GLI3: variants seen among roughly 807,000 people sequenced by gnomAD.
The protein encoded by GLI3 is GLI family zinc finger 3.
A neutral mutation model predicts 100.8 loss-of-function variants in GLI3; 20 were observed. The ratio of observed to expected loss-of-function variants is 0.20; its 90% confidence interval spans 0.14 to 0.29. GLI3 has a LOEUF of 0.29. GLI3 is among the 10% of genes least tolerant of loss of function. GLI3 has a pLI of 1.00. For synonymous variants in GLI3, 938 were observed against 860.5 expected (o/e 1.09, Z -1.58); for missense variants, 2,040 against 2,128.5 (o/e 0.96, Z 0.82).
intron 3 of GLI3, among the ~76,000 whole-genome samples, chr7:42,123,155 T>C (rs1386514590): frequency 6.6e-6 from 1 of 152,226 alleles, no homozygotes; most frequent in African/African-American, 2.4e-5. Flanking sequence ...TCTTCCACTT[T>C]GATGGGACAA....
At chr7:42,145,728 G>GGAT (rs1024747701) in intron 3 of GLI3, 91 of 396,966 alleles carry the variant, frequency 2.3e-4, no homozygotes, top group Non-Finnish European at 3.6e-4. Flanking sequence ...AGGAGGAGGA[G>GGAT]GATGATGATG....
chr7:42,096,894 G>C (rs1486516905), intron 3 of GLI3, among the ~76,000 whole-genome samples: 1 of 152,238 alleles, frequency 6.6e-6, no homozygotes, highest in Admixed American at 6.5e-5. Flanking sequence ...AACACTTGGA[G>C]GCTGTGCTGC....
chr7:42,249,662 G>A (rs1469189478), intron 1 of GLI3, among the ~76,000 whole-genome samples: 1 of 152,136 alleles, frequency 6.6e-6, no homozygotes, highest in Admixed American at 6.5e-5. Flanking sequence ...CTTAGTCATA[G>A]AGGGCCCAGT....
chr7:42,159,535 A>C (rs568427746), intron 2 of GLI3, among the ~76,000 whole-genome samples: 24 of 152,334 alleles, frequency 1.6e-4, no homozygotes, highest in African/African-American at 5.1e-4. Context: ...CTCTTTTTTT[A>C]ATCAAGAACA....
chr7:42,056,195 A>G (rs1784457074), intron 4 of GLI3, among the ~76,000 whole-genome samples: 1 of 152,196 alleles, frequency 6.6e-6, no homozygotes, highest in African/African-American at 2.4e-5. Flanking sequence ...ATGAAAATGG[A>G]CTAATATAAC....
chr7:42,115,391 C>T (rs777243801), intron 3 of GLI3, among the ~76,000 whole-genome samples: 13 of 152,102 alleles, frequency 8.5e-5, no homozygotes, highest in East Asian at 5.8e-4. Flanking sequence ...CTGCCCACCT[C>T]GGCCTCCCAA....
chr7:42,055,790 AT>A (rs1784448789), intron 4 of GLI3, among the ~76,000 whole-genome samples: 1 of 152,128 alleles, frequency 6.6e-6, no homozygotes, highest in South Asian at 2.1e-4. Context: ...CAAATTTACC[AT>A]TTGGATTTTA....
At chr7:41,997,000 T>A (rs1788143299) in intron 10 of GLI3, among the ~76,000 whole-genome samples, 1 of 152,222 alleles carries the variant, frequency 6.6e-6, no homozygotes, top group Non-Finnish European at 1.5e-5. Flanking sequence ...CATAAAACAA[T>A]GGGCAGAAGA....
intron 2 of GLI3, among the ~76,000 whole-genome samples, chr7:42,178,264 T>A (rs1440259881): frequency 1.3e-5 from 2 of 152,194 alleles, no homozygotes; most frequent in Non-Finnish European, 2.9e-5. Context: ...TTGTGTATCA[T>A]CCCTGCAGCT....
At position 42,210,352 on chromosome 7, in the gene GLI3, C is replaced by G. The variant is rs2877138; in HGVS notation, c.124+12778G>C. Among the ~76,000 whole-genome samples the G allele has an allele frequency of 3.6e-4, 15 of 41,334 alleles. No homozygotes were observed. In the East Asian group the frequency reaches 0.017, roughly 47 times the overall value. 27.1% of individuals were successfully genotyped at this position (41,334 alleles called of 152,430 possible). On this transcript the variant is annotated intron_variant, in intron 2 of 14. Transcript: ENST00000395925. ...CAAAAATGAAAGCCCCCCCCCCCCC[C>G]CCAAGTTAAAATAAGGTACAAAGTT...
chr7:42,157,467 C>T (rs1404759314), intron 2 of GLI3, among the ~76,000 whole-genome samples: 8 of 152,198 alleles, frequency 5.3e-5, no homozygotes, highest in African/African-American at 1.9e-4. Flanking sequence ...TCCTTCCTCA[C>T]ACCACAGCCC....
At chr7:42,064,499 G>T (rs920901381) in intron 4 of GLI3, among the ~76,000 whole-genome samples, 1 of 152,146 alleles carries the variant, frequency 6.6e-6, no homozygotes, top group Non-Finnish European at 1.5e-5. Flanking sequence ...CTTGTTTTAC[G>T]AAGATGATCA....
chr7:42,157,292 G>T (rs1562763570), intron 2 of GLI3, among the ~76,000 whole-genome samples: 1 of 152,188 alleles, frequency 6.6e-6, no homozygotes, highest in East Asian at 1.9e-4. Flanking sequence ...CTTCACAATT[G>T]TATCTAAGCA....
intron 10 of GLI3, among the ~76,000 whole-genome samples, chr7:41,999,075 G>T (rs1345596334): frequency 3.9e-5 from 6 of 152,174 alleles, no homozygotes; most frequent in African/African-American, 1.4e-4. Context: ...TCAGATGAAT[G>T]GAGTTTCCTG....
At chr7:42,229,444 G>T (rs764031782) in intron 1 of GLI3, among the ~76,000 whole-genome samples, 3 of 152,148 alleles carry the variant, frequency 2.0e-5, no homozygotes, top group Non-Finnish European at 4.4e-5. Context: ...GTAGTTTAGG[G>T]AACTATTACT....
upstream of GLI3, among the ~76,000 whole-genome samples, chr7:42,239,302 T>A (rs907429153): frequency 3.9e-5 from 6 of 152,176 alleles, no homozygotes; most frequent in African/African-American, 1.4e-4. Flanking sequence ...TCTGAGCCCA[T>A]CTAGGGGATA....
rs190107266 is a variant in GLI3 at position 42,169,727 on chromosome 7, T to G, written c.125-21259A>C. Among the ~76,000 whole-genome samples, 345 of 151,618 alleles carry G rather than the reference T, an allele frequency of 2.3e-3. 1 individual carries two copies. The highest frequency in any genetic ancestry group is 7.8e-3 in the African/African-American group (322 of 41,324). On this transcript the variant is annotated intron_variant, in intron 2 of 14. Coordinates refer to ENST00000395925, the MANE Select transcript of GLI3 (RefSeq NM_000168.6). ...TCCTAAATGCCCAACAATAGAAGAT[T>G]AATAATGCCCACAAAGCACAAAAAA...
intron 2 of GLI3, among the ~76,000 whole-genome samples, chr7:42,164,142 C>T (rs752116127): frequency 6.6e-6 from 1 of 152,162 alleles, no homozygotes; most frequent in Non-Finnish European, 1.5e-5. Flanking sequence ...TAGGACACAT[C>T]CTGTCCATAC....
At chr7:42,032,342 A>G (rs1789318490) in intron 7 of GLI3, among the ~76,000 whole-genome samples, 1 of 152,120 alleles carries the variant, frequency 6.6e-6, no homozygotes, top group East Asian at 1.9e-4. Context: ...ATAAATATTT[A>G]TTTTTTTCAC....
Sources: gnomAD v4.1 joint callset for allele counts (sites outside exome capture counted in the v4.1 genomes callset) on GRCh38, gnomAD v4.1.1 for gene constraint, MANE v1.5 for transcripts, NCBI Gene and HGNC (gene_info 2026-07-23, HGNC 2026-07-21) for gene names.